The following COG7 variants were observed in gnomAD, a reference collection of about 807,000 sequenced individuals.
COG7 encodes conserved oligomeric Golgi complex subunit 7.
COG7 carries 49 observed loss-of-function variants against 91.5 expected under a neutral mutation model. The observed-to-expected ratio is 0.54, with a 90% confidence interval of 0.43 to 0.68. The LOEUF is 0.68. Among genes scored for constraint, COG7 ranks in the 30% least tolerant of loss-of-function variants. COG7 has a pLI of 0.00. For missense variants in COG7, 895 were observed against 961.3 expected (o/e 0.93, Z 0.91); for synonymous variants, 365 against 388.7 (o/e 0.94, Z 0.72).
At chr16:23,424,297 C>CAAA (rs398042083) in intron 7 of COG7, among the ~76,000 whole-genome samples, 15 of 48,514 alleles carry the variant, frequency 3.1e-4, no homozygotes, top group East Asian at 5.9e-4. Context: ...AACTCCATCT[C>CAAA]AAAAAAAAAA....
chr16:23,393,813 G>A (rs564829555), intron 14 of COG7, among the ~76,000 whole-genome samples: 14 of 152,076 alleles, frequency 9.2e-5, no homozygotes, highest in Admixed American at 5.2e-4. Context: ...AGGCCGAGGC[G>A]GATGGATCTC....
chr16:23,420,001 G>T (rs1200962016), intron 7 of COG7, among the ~76,000 whole-genome samples: 1 of 151,846 alleles, frequency 6.6e-6, no homozygotes, highest in Non-Finnish European at 1.5e-5. Context: ...ATTTAGCTGG[G>T]CATGGTAGCA....
rs755233704 is a variant in COG7 at position 23,424,881 on chromosome 16, A to AG, written c.876dup (p.Ser293LeufsTer46). 2 of 1,614,172 alleles carry AG rather than the reference A, an allele frequency of 1.2e-6. No individual in the cohort carries two copies. Among genetic ancestry groups the AG allele is most frequent in the South Asian group, 2.2e-5 (2 of 91,078 alleles). ...CCGTTGCTGAGGCAGGAGGGCAGCG[A>AG]GGGCATGAGGGCCCCCAGGGTCTGA... On this transcript the variant is annotated frameshift_variant, in exon 7 of 17. Transcript: ENST00000307149. LOFTEE classifies it high-confidence loss of function.
At position 23,389,076 on chromosome 16, in the gene COG7, G is replaced by C. The variant is rs753593797; in HGVS notation, c.2157C>G (p.Ile719Met). Residue 719 changes from isoleucine (I) to methionine (M), a missense_variant, in exon 17 of 17, where the codon ATC becomes ATG. By Grantham distance (10) the Ile-to-Met change is conservative (BLOSUM62 1). Coordinates refer to ENST00000307149, the MANE Select transcript of COG7 (RefSeq NM_153603.4). Reference sequence around the variant, plus strand: ...GCAGGCCCAGGGCATCCATCACGTTGATCAGATAGTCTGTGGGGGCGGAGA... The same window carrying C: ...GCAGGCCCAGGGCATCCATCACGTTCATCAGATAGTCTGTGGGGGCGGAGA... ...KQLATDIDYL[I>M]NVMDALGLQP... 2 of 1,613,938 alleles carry C rather than the reference G, an allele frequency of 1.2e-6. No individual in the cohort carries two copies. Among genetic ancestry groups the C allele is most frequent in the Non-Finnish European group, 1.7e-6 (2 of 1,179,994 alleles).
At chr16:23,413,606 A>T (rs1288349829) in intron 9 of COG7, 42 bp from the exon 10 acceptor site, 2 of 1,028,740 alleles carry the variant, frequency 1.9e-6, no homozygotes, top group Non-Finnish European at 3.1e-6. Flanking sequence ...GTCACCACTG[A>T]TTCCCCAACT....
At chr16:23,416,190 T>G (rs1397497913) in intron 9 of COG7, 1 of 152,144 alleles carries the variant, frequency 6.6e-6, no homozygotes, top group Non-Finnish European at 1.5e-5. Flanking sequence ...CCATCATGCC[T>G]ACCTGATTTT....
Position 23,389,060 on chromosome 16 carries a change from G to A in COG7, c.2173C>T (p.Leu725=), listed in dbSNP as rs1160298766. 1 of 1,614,020 alleles carries A rather than the reference G, an allele frequency of 6.2e-7. No homozygotes were observed. The highest frequency in any genetic ancestry group is 2.2e-5 in the East Asian group (1 of 44,860). The part of the protein sequence containing the change: ...IDYLINVMDA[L]GLQPSRTLQH... ...AGGGTGCGGGACGGCTGCAGGCCCA[G>A]GGCATCCATCACGTTGATCAGATAG... Residue 725 remains leucine (L), a synonymous_variant, in exon 17 of 17, where the codon CTG becomes TTG. Coordinates refer to ENST00000307149, the MANE Select transcript of COG7 (RefSeq NM_153603.4).
intron 16 of COG7, among the ~76,000 whole-genome samples, chr16:23,391,507 C>T (rs1302650161): frequency 6.6e-6 from 1 of 152,198 alleles, no homozygotes; most frequent in Non-Finnish European, 1.5e-5. Flanking sequence ...TCACTAACAG[C>T]TCTGGGACCC....
chr16:23,413,381 A>G, intron 10 of COG7, 67 bp downstream of exon 10: 4 of 876,894 alleles, frequency 4.6e-6, no homozygotes, highest in Non-Finnish European at 7.9e-6. Flanking sequence ...TCATTTTTAT[A>G]TACTATATCA....
Position 23,418,783 on chromosome 16 carries a change from A to G in COG7, c.1054T>C (p.Tyr352His), listed in dbSNP as rs944861338. Residue 352 changes from tyrosine (Y) to histidine (H), a missense_variant, in exon 8 of 17, where the codon TAT becomes CAT. By Grantham distance (83) the Tyr-to-His change is moderately conservative (BLOSUM62 2). Transcript: ENST00000307149. ...AGCTGGTAGGGTTTGTATGGATCATACACAGCATCCACCAGCTCCGTGACT... is the reference window on the plus strand; with the variant it reads ...AGCTGGTAGGGTTTGTATGGATCATGCACAGCATCCACCAGCTCCGTGACT... The part of the protein sequence containing the change: ...VKVTELVDAV[Y>H]DPYKPYQLKY... 1.9e-5 allele frequency: 31 copies of G among 1,613,636 alleles called. No individual in the cohort carries two copies. Among genetic ancestry groups the G allele is most frequent in the Non-Finnish European group, 2.6e-5 (31 of 1,179,518 alleles).
In COG7 at chr16:23,388,862, G is replaced by A; in HGVS notation, c.*58C>T. 6.2e-7 allele frequency: 1 copy of A among 1,612,096 alleles called. No individual in the cohort carries two copies. The highest frequency in any genetic ancestry group is 8.5e-7 in the Non-Finnish European group (1 of 1,179,386). ...GGGCAGAGTTTCTGAGCAAATCTGT[G>A]CTGGTGAGTCGCGAAACAGCAGCCC... is the stretch of plus-strand genomic sequence containing the variant. On this transcript the variant is annotated 3_prime_UTR_variant, in exon 17 of 17. Transcript: ENST00000307149.
At chr16:23,399,185 C>T (rs545656480) in intron 13 of COG7, among the ~76,000 whole-genome samples, 3 of 152,288 alleles carry the variant, frequency 2.0e-5, no homozygotes, top group South Asian at 2.1e-4. Context: ...GGCTCAGCCT[C>T]GGCAGCCCTC....
intron 14 of COG7, 126 bp from the exon 15 acceptor site, chr16:23,393,473 G>C (rs1209473702): frequency 9.8e-6 from 7 of 717,574 alleles, no homozygotes; most frequent in African/African-American, 1.7e-5. Context: ...TCCCAAGTCT[G>C]ATCTTTCTAG....
chr16:23,396,869 A>G (rs1361565754), intron 14 of COG7, among the ~76,000 whole-genome samples: 1 of 152,090 alleles, frequency 6.6e-6, no homozygotes, highest in Non-Finnish European at 1.5e-5. Context: ...TGCCTGCCAG[A>G]GGGACTGCCA....
chr16:23,392,620 CAGG>C (rs1963217954), intron 15 of COG7, 97 bp from the exon 16 acceptor site: 2 of 1,472,908 alleles, frequency 1.4e-6, no homozygotes, highest in Non-Finnish European at 1.9e-6. Flanking sequence ...ATGGCAAACA[CAGG>C]AAACCGAAAA....
Position 23,400,340 on chromosome 16 carries a change from G to A in COG7, c.1804-2211C>T, listed in dbSNP as rs1224348168. On this transcript the variant is annotated intron_variant, in intron 13 of 16. Transcript: ENST00000307149. ...TGTGGAAACAGGTGTGGGACACAGAGAAAAGGAAGGGACAGCAATCCTTGG... is the reference window on the plus strand; with the variant it reads ...TGTGGAAACAGGTGTGGGACACAGAAAAAAGGAAGGGACAGCAATCCTTGG... 3.3e-5 allele frequency among the ~76,000 whole-genome samples: 5 copies of A among 152,230 alleles called. No individual in the cohort carries two copies. The East Asian group carries it at 9.6e-4, about 29-fold the overall frequency.
chr16:23,431,156 A>G (rs1963928318), intron 6 of COG7, among the ~76,000 whole-genome samples: 1 of 152,196 alleles, frequency 6.6e-6, no homozygotes, highest in African/African-American at 2.4e-5. Context: ...AGGTGGCTAC[A>G]TGGGTATTCA....
chr16:23,401,206 T>C (rs767539084), intron 13 of COG7, among the ~76,000 whole-genome samples: 5 of 152,256 alleles, frequency 3.3e-5, no homozygotes, highest in Non-Finnish European at 7.3e-5. Flanking sequence ...CAGCAAATGC[T>C]GAAAACAAAC....
At chr16:23,441,444 G>A (rs766087096) in intron 4 of COG7, among the ~76,000 whole-genome samples, 3 of 152,064 alleles carry the variant, frequency 2.0e-5, no homozygotes, top group African/African-American at 7.2e-5. Context: ...GTGTGGTGGC[G>A]CACGTCTGTA....
Sources: allele counts gnomAD v4.1 joint callset (sites outside exome capture counted in the v4.1 genomes callset), GRCh38; gene constraint gnomAD v4.1.1; transcripts MANE v1.5; gene names NCBI Gene and HGNC (gene_info 2026-07-23, HGNC 2026-07-21).